Variants in PCDHB7 observed in about 807,000 individuals in gnomAD.
PCDHB7 encodes the protein protocadherin beta 7, also known as protocadherin beta-7.
For missense variants in PCDHB7, 1,148 were observed against 1,011.6 expected (o/e 1.13, Z -1.83); for synonymous variants, 542 against 463.1 (o/e 1.17, Z -2.19).
In PCDHB7 at chr5:141,174,689, G is replaced by A. The variant is rs1400135124; in HGVS notation, c.1854G>A (p.Trp618Ter). The A allele has an allele frequency of 6.2e-7, 1 of 1,610,558 alleles. No homozygotes were observed. Residue 618 changes from tryptophan (W) to a stop codon, truncating the protein, a stop_gained, in exon 1 of 1, where the codon TGG becomes TGA. Coordinates refer to ENST00000231137, the MANE Select transcript of PCDHB7 (RefSeq NM_018940.4). LOFTEE classifies it low-confidence loss of function (END_TRUNC). ...CGGAGCCCGGGCTATTCGGCGTGTG[G>A]GCGCACAATGGCGAGGTGCGTACCG... Reference protein sequence around the residue: ...KATEPGLFGVWAHNGEVRTAR... With the variant: ...KATEPGLFGV
At position 141,174,666 on chromosome 5, in the gene PCDHB7, G is replaced by T; in HGVS notation, c.1831G>T (p.Glu611Ter). Reference sequence around the variant, plus strand: ...GTCGTACCAGCTGCTCAAGGCCACGGAGCCCGGGCTATTCGGCGTGTGGGC... The same window carrying T: ...GTCGTACCAGCTGCTCAAGGCCACGTAGCCCGGGCTATTCGGCGTGTGGGC... ...WLSYQLLKAT[E>*]PGLFGVWAHN... Residue 611 changes from glutamate to a stop codon, truncating the protein, a stop_gained, in exon 1 of 1, where the codon GAG becomes TAG. Transcript: ENST00000231137. LOFTEE classifies it low-confidence loss of function (END_TRUNC). 2 of 1,610,460 alleles carry T rather than the reference G, an allele frequency of 1.2e-6. No homozygotes were observed. Among genetic ancestry groups the T allele is most frequent in the South Asian group, 2.2e-5 (2 of 90,988 alleles).
Position 141,174,032 on chromosome 5 carries a change from C to T in PCDHB7, c.1197C>T (p.Asn399=), listed in dbSNP as rs201982034. The T allele has an allele frequency of 2.2e-4, 353 of 1,614,210 alleles. No individual in the cohort carries two copies. Among genetic ancestry groups the T allele is most frequent in the Middle Eastern group, 1.6e-3 (10 of 6,062 alleles). Residue 399 remains asparagine, a synonymous_variant, in exon 1 of 1, where the codon AAC becomes AAT. Coordinates refer to ENST00000231137, the MANE Select transcript of PCDHB7 (RefSeq NM_018940.4). ...VPFILKPSVE[N]FYTLVTEKPL... ...TCATCCTGAAGCCATCTGTCGAAAA[C>T]TTCTATACTCTGGTAACAGAGAAAC...
chr5:141,174,337 C>T lies in PCDHB7; in HGVS notation c.1502C>T (p.Ala501Val). Residue 501 changes from alanine to valine, a missense_variant, in exon 1 of 1, where the codon GCC (alanine) becomes GTC (valine). Transcript: ENST00000231137. Reference sequence around the variant, plus strand: ...TCCCAGGACCCGCACCTGCCCCTCGCCTCCCTGGTCTCCATCAACGCGGAC... The same window carrying T: ...TCCCAGGACCCGCACCTGCCCCTCGTCTCCCTGGTCTCCATCAACGCGGAC... Reference protein sequence around the residue: ...LPSQDPHLPLASLVSINADNG... With the variant: ...LPSQDPHLPLVSLVSINADNG... The T allele has an allele frequency of 1.2e-6, 2 of 1,612,962 alleles. No homozygotes were observed. The highest frequency in any genetic ancestry group is 1.9e-4 in the Middle Eastern group (1 of 5,214).
chr5:141,173,117 A>G lies in PCDHB7; in HGVS notation c.282A>G (p.Glu94=). ...LLLNEKLDRE[E]LCGPREPCVL... is the part of the protein sequence containing the mutation. ...TAAATGAGAAATTGGACCGAGAGGA[A>G]CTGTGTGGCCCCAGAGAGCCCTGTG... is the stretch of plus-strand genomic sequence containing the variant. The change falls in exon 1 of 1, where the codon GAA becomes GAG. Residue 94 remains glutamate, a synonymous_variant. Coordinates refer to ENST00000231137, the MANE Select transcript of PCDHB7 (RefSeq NM_018940.4). 6.2e-7 allele frequency: 1 copy of G among 1,614,198 alleles called. No individual in the cohort carries two copies. Among genetic ancestry groups the G allele is most frequent in the East Asian group, 2.2e-5 (1 of 44,892 alleles).
In PCDHB7 at chr5:141,173,600, C is replaced by T. The variant is rs781956268; in HGVS notation, c.765C>T (p.Ser255=). 9 of 1,614,126 alleles carry T rather than the reference C, an allele frequency of 5.6e-6. No homozygotes were observed. The highest frequency in any genetic ancestry group is 7.6e-6 in the Non-Finnish European group (9 of 1,180,024). The change falls in exon 1 of 1, where the codon AGC becomes AGT. Residue 255 remains serine (S), a synonymous_variant. Transcript: ENST00000231137. ...ACAAGGTGCAGGTGCCCGAAAATAG[C>T]CCCGTTGGTTCCATGGTTGTCTCCG... is the stretch of plus-strand genomic sequence containing the variant. ...SLYKVQVPEN[S]PVGSMVVSVS...
At position 141,175,305 on chromosome 5, in the gene PCDHB7, C is replaced by T; in HGVS notation, c.*88C>T. On this transcript the variant is annotated 3_prime_UTR_variant, in exon 1 of 1. Transcript: ENST00000231137. ...TTCCCTTAAGGGAGTGTCTTTACAT[C>T]ATTTCAAATATGTACTCTTGAAGTC... 1 of 1,274,206 alleles carries T rather than the reference C, an allele frequency of 7.8e-7. No homozygotes were observed. Among genetic ancestry groups the T allele is most frequent in the Non-Finnish European group, 1.1e-6 (1 of 926,102 alleles). The allele number at this position is 1,274,206 out of a possible 1,614,324, so 78.9% of individuals were successfully genotyped here.
chr5:141,173,415 T>G lies in PCDHB7; in HGVS notation c.580T>G (p.Leu194Val). 6.2e-7 allele frequency: 1 copy of G among 1,614,194 alleles called. No homozygotes were observed. The highest frequency in any genetic ancestry group is 8.5e-7 in the Non-Finnish European group (1 of 1,180,018). Residue 194 changes from leucine (L) to valine (V), a missense_variant, in exon 1 of 1, where the codon TTG (leucine) becomes GTG (valine). Physicochemically the swap from Leu to Val is conservative, Grantham distance 32. Transcript: ENST00000231137. ...DSGEGNIYPE[L>V]VLNQVLDREE... is the part of the protein sequence containing the mutation. Reference sequence around the variant, plus strand: ...CGGGGAGGGGAATATCTATCCCGAATTGGTGCTGAATCAAGTGCTGGATCG... The same window carrying G: ...CGGGGAGGGGAATATCTATCCCGAAGTGGTGCTGAATCAAGTGCTGGATCG...
At position 141,173,390 on chromosome 5, in the gene PCDHB7, C is replaced by G. The variant is rs1554279982; in HGVS notation, c.555C>G (p.Ser185Arg). Residue 185 changes from serine (S) to arginine (R), a missense_variant, in exon 1 of 1, where the codon AGC (serine) becomes AGG (arginine). Ser to Arg is a moderately radical substitution (Grantham distance 110). Transcript: ENST00000231137. ...ATTTCCATATTAATGTCCATGATAG[C>G]GGGGAGGGGAATATCTATCCCGAAT... ...NAYFHINVHD[S>R]GEGNIYPELV... is the part of the protein sequence containing the mutation. 8.1e-6 allele frequency: 13 copies of G among 1,613,918 alleles called. No individual in the cohort carries two copies. Among genetic ancestry groups the G allele is most frequent in the Non-Finnish European group, 1.0e-5 (12 of 1,179,916 alleles).
Position 141,173,585 on chromosome 5 carries a change from G to A in PCDHB7, c.750G>A (p.Gln250=). Residue 250 remains glutamine (Q), a synonymous_variant, in exon 1 of 1, where the codon CAG becomes CAA. Coordinates refer to ENST00000231137, the MANE Select transcript of PCDHB7 (RefSeq NM_018940.4). ...TTGTGCGGTCGCTCTACAAGGTGCAGGTGCCCGAAAATAGCCCCGTTGGTT... is the reference window on the plus strand; with the variant it reads ...TTGTGCGGTCGCTCTACAAGGTGCAAGTGCCCGAAAATAGCCCCGTTGGTT... ...PDFVRSLYKV[Q]VPENSPVGSM... 2.5e-6 allele frequency: 4 copies of A among 1,614,114 alleles called. No homozygotes were observed. The highest frequency in any genetic ancestry group is 3.4e-6 in the Non-Finnish European group (4 of 1,180,014).
rs782200287 is a variant in PCDHB7, at chr5:141,175,049, C to G, written c.2214C>G (p.Ser738Arg). The part of the protein sequence containing the change: ...GPFPRHLVDL[S>R]GTGTLSQSYQ... ...TTCCACGACATCTGGTGGACTTGAG[C>G]GGCACCGGGACCCTATCCCAGAGCT... The change falls in exon 1 of 1, where the codon AGC becomes AGG. Residue 738 changes from serine to arginine, a missense_variant. By Grantham distance (110) the Ser-to-Arg change is moderately radical. Transcript: ENST00000231137. The G allele has an allele frequency of 3.5e-5, 56 of 1,613,952 alleles. No individual in the cohort carries two copies. Among genetic ancestry groups the G allele is most frequent in the Non-Finnish European group, 4.6e-5 (54 of 1,179,926 alleles).
rs782517284 is a variant in PCDHB7, at chr5:141,173,498, A to G, written c.663A>G (p.Pro221=). 6.2e-7 allele frequency: 1 copy of G among 1,614,116 alleles called. No homozygotes were observed. Among genetic ancestry groups the G allele is most frequent in the Non-Finnish European group, 8.5e-7 (1 of 1,180,002 alleles). The change falls in exon 1 of 1, where the codon CCA becomes CCG. Residue 221 remains proline (P), a synonymous_variant. Coordinates refer to ENST00000231137, the MANE Select transcript of PCDHB7 (RefSeq NM_018940.4). ...TLTALDGGSP[P]RSGTALVRIL... The stretch of plus-strand genomic sequence containing the variant: ...CCGCTTTAGACGGCGGCTCTCCTCC[A>G]AGATCAGGGACCGCCCTCGTGCGCA...
chr5:141,174,995 G>A lies in PCDHB7; in HGVS notation c.2160G>A (p.Val720=), dbSNP rs782161386. 11 of 1,613,878 alleles carry A rather than the reference G, an allele frequency of 6.8e-6. No individual in the cohort carries two copies. The highest frequency in any genetic ancestry group is 3.3e-5 in the Admixed American group (2 of 60,018). The part of the protein sequence containing the change: ...RLCRRSRAAP[V]GRCSVPEGPF... The stretch of plus-strand genomic sequence containing the variant: ...GCAGGAGGAGCAGGGCGGCCCCGGT[G>A]GGTCGCTGCTCGGTGCCTGAGGGCC... Residue 720 remains valine, a synonymous_variant, in exon 1 of 1, where the codon GTG becomes GTA. Coordinates refer to ENST00000231137, the MANE Select transcript of PCDHB7 (RefSeq NM_018940.4).
chr5:141,176,291 A>T lies in PCDHB7; in HGVS notation c.*1074A>T, dbSNP rs1245910360. 1.2e-5 allele frequency: 2 copies of T among 167,154 alleles called. No homozygotes were observed. The highest frequency in any genetic ancestry group is 2.9e-5 in the Non-Finnish European group (2 of 68,132). The allele number at this position is 167,154 out of a possible 1,614,324, so 10.4% of individuals were successfully genotyped here. On this transcript the variant is annotated 3_prime_UTR_variant, in exon 1 of 1. Transcript: ENST00000231137. The stretch of plus-strand genomic sequence containing the variant: ...TGAATCAGGAAAATTTAAGAAAAAG[A>T]ATAGTTAGTTTTAAATGCATAATAT...
rs556957392 is a variant in PCDHB7 at position 141,172,714 on chromosome 5, G to A, written c.-122G>A. 54 of 767,188 alleles carry A rather than the reference G, an allele frequency of 7.0e-5. No individual in the cohort carries two copies. The South Asian group carries it at 9.6e-4, about 14-fold the overall frequency. The allele number at this position is 767,188 out of a possible 1,614,324, so 47.5% of individuals were successfully genotyped here. ...GTGGTAATAGGAATTGGGGTAAAAT[G>A]AGGATCCTTCCCCACAAACATTGCT... On this transcript the variant is annotated 5_prime_UTR_variant, in exon 1 of 1. It removes an upstream start codon present in the reference 5' UTR. Transcript: ENST00000231137.
Position 141,174,088 on chromosome 5 carries a change from A to G in PCDHB7, c.1253A>G (p.Asn418Ser), listed in dbSNP as rs1554280148. Residue 418 changes from asparagine (N) to serine (S), a missense_variant, in exon 1 of 1, where the codon AAC becomes AGC. Physicochemically the swap from Asn to Ser is conservative, Grantham distance 46 (BLOSUM62 1). Coordinates refer to ENST00000231137, the MANE Select transcript of PCDHB7 (RefSeq NM_018940.4). ...GATCGAGAGAGGAACACTGAGTACA[A>G]CATCACCATCACCGTCACCGACTTG... ...PLDRERNTEY[N>S]ITITVTDLGT... The G allele has an allele frequency of 1.6e-5, 26 of 1,613,974 alleles. No homozygotes were observed.
Position 141,173,002 on chromosome 5 carries a change from T to G in PCDHB7, c.167T>G (p.Val56Gly), listed in dbSNP as rs146043584. The change falls in exon 1 of 1, where the codon GTA becomes GGA. Residue 56 changes from valine to glycine, a missense_variant. Val to Gly is a moderately radical substitution (Grantham distance 109). Transcript: ENST00000231137. The part of the protein sequence containing the change: ...TNLAKDLGLG[V>G]GELRARGTRI... ...TTGGCAAAAGACCTAGGGTTAGGGG[T>G]AGGGGAACTGAGAGCCCGGGGAACT... 1 of 1,613,918 alleles carries G rather than the reference T, an allele frequency of 6.2e-7. No individual in the cohort carries two copies. Among genetic ancestry groups the G allele is most frequent in the African/African-American group, 1.3e-5 (1 of 74,856 alleles).
chr5:141,175,888 C>T lies in PCDHB7; in HGVS notation c.*671C>T, dbSNP rs1554280582. 1 of 167,126 alleles carries T rather than the reference C, an allele frequency of 6.0e-6. No individual in the cohort carries two copies. The highest frequency in any genetic ancestry group is 2.4e-5 in the African/African-American group (1 of 41,446). 10.4% of individuals were successfully genotyped at this position (167,126 alleles called of 1,614,324 possible). A position where few individuals can be genotyped will look rare whatever the true frequency, so the allele number is the denominator to read the frequency against. On this transcript the variant is annotated 3_prime_UTR_variant, in exon 1 of 1. Coordinates refer to ENST00000231137, the MANE Select transcript of PCDHB7 (RefSeq NM_018940.4). The stretch of plus-strand genomic sequence containing the variant: ...CTTTTATCATATTTATACTGCTGTC[C>T]AATCTTTTCTATATTTAGAAATAAT...
rs781920350 is a variant in PCDHB7 at position 141,174,575 on chromosome 5, C to A, written c.1740C>A (p.Ala580=). Reference sequence around the variant, plus strand: ...GCACCGAGCCGTTGCCCCGGGCGGCCGAGCCGGGCTACCTGGTGACCAAGG... The same window carrying A: ...GCACCGAGCCGTTGCCCCGGGCGGCAGAGCCGGGCTACCTGGTGACCAAGG... ...APCTEPLPRA[A]EPGYLVTKVV... Residue 580 remains alanine (A), a synonymous_variant, in exon 1 of 1, where the codon GCC becomes GCA. Coordinates refer to ENST00000231137, the MANE Select transcript of PCDHB7 (RefSeq NM_018940.4). 1 of 1,610,286 alleles carries A rather than the reference C, an allele frequency of 6.2e-7. No homozygotes were observed. Among genetic ancestry groups the A allele is most frequent in the Admixed American group, 1.7e-5 (1 of 59,974 alleles).
rs1326457745 is a variant in PCDHB7 at position 141,174,470 on chromosome 5, G to T, written c.1635G>T (p.Ala545=). Residue 545 remains alanine (A), a synonymous_variant, in exon 1 of 1, where the codon GCG becomes GCT. Transcript: ENST00000231137. ...DRGSPALSSE[A]LVRVLVLDAN... ...GCTCCCCCGCGCTGAGCAGCGAGGC[G>T]CTGGTGCGCGTGCTGGTGCTGGACG... 6.8e-6 allele frequency: 11 copies of T among 1,611,186 alleles called. No homozygotes were observed. The highest frequency in any genetic ancestry group is 2.2e-5 in the East Asian group (1 of 44,856).
Sources: allele counts gnomAD v4.1 joint callset, GRCh38; gene constraint gnomAD v4.1.1; transcripts MANE v1.5; gene names NCBI Gene and HGNC (gene_info 2026-07-23, HGNC 2026-07-21).